APP: variants seen among roughly 807,000 people sequenced by gnomAD.
The protein encoded by APP is amyloid beta precursor protein.
In APP, 31 loss-of-function variants were observed where a neutral mutation model predicts 101.4. The ratio of observed to expected loss-of-function variants is 0.31; its 90% CI spans 0.23 to 0.41. The LOEUF (loss-of-function observed/expected upper bound fraction) is 0.41. APP is among the 10% of genes least tolerant of loss of function. The pLI, the probability that APP is intolerant of heterozygous loss-of-function variation, is 1.00. For synonymous variants in APP, 366 were observed against 364.4 expected (o/e 1.00, Z -0.05); for missense variants, 839 against 1,003.7 (o/e 0.84, Z 2.22).
At chr21:26,159,460 T>C (rs1161605697) in intron 1 of APP, among the ~76,000 whole-genome samples, 1 of 152,192 alleles carries the variant, frequency 6.6e-6, no homozygotes, top group African/African-American at 2.4e-5. Flanking sequence ...CTGAGAAAAC[T>C]TGCAGTAGAG....
intron 7 of APP, 43 bp from the exon 8 acceptor site, chr21:25,997,459 A>G: frequency 6.5e-7 from 1 of 1,528,380 alleles, no homozygotes; most frequent in Non-Finnish European, 9.1e-7. Context: ...CAAAAAGAGA[A>G]ACATGGGAAT....
chr21:26,011,019 G>GTC (rs530326793), intron 6 of APP, among the ~76,000 whole-genome samples: 10 of 151,716 alleles, frequency 6.6e-5, no homozygotes, highest in Non-Finnish European at 1.2e-4. Flanking sequence ...GCAAGACTCC[G>GTC]TCTTTGGGGG....
At chr21:26,143,138 CACTT>C (rs1236448410) in intron 1 of APP, among the ~76,000 whole-genome samples, 1 of 152,108 alleles carries the variant, frequency 6.6e-6, no homozygotes, top group African/African-American at 2.4e-5. Context: ...TCAAGTTAAA[CACTT>C]ACTATTAAAT....
intron 13 of APP, among the ~76,000 whole-genome samples, chr21:25,921,156 A>T (rs1411763070): frequency 1.5e-5 from 2 of 134,478 alleles, no homozygotes; most frequent in Non-Finnish European, 3.1e-5. Flanking sequence ...TGAAGGCAGA[A>T]ATAAAGATGT....
At chr21:26,125,352 C>T (rs1199933181) in intron 1 of APP, among the ~76,000 whole-genome samples, 1 of 151,864 alleles carries the variant, frequency 6.6e-6, no homozygotes, top group Non-Finnish European at 1.5e-5. Context: ...AAAGACAACT[C>T]TAAGTCAGGC....
chr21:26,142,846 G>T (rs192983601), intron 1 of APP, among the ~76,000 whole-genome samples: 4 of 152,016 alleles, frequency 2.6e-5, no homozygotes, highest in Admixed American at 6.5e-5. Context: ...AATAAAAATA[G>T]GTACTACCTG....
intron 17 of APP, among the ~76,000 whole-genome samples, chr21:25,887,303 T>A (rs991597080): frequency 5.3e-5 from 8 of 152,140 alleles, no homozygotes; most frequent in Non-Finnish European, 1.0e-4. Flanking sequence ...AGGTGGTTAA[T>A]TCAGCTAGTG....
intron 5 of APP, 106 bp downstream of exon 5, chr21:26,050,894 G>C (rs1315933146): frequency 7.3e-7 from 1 of 1,376,024 alleles, no homozygotes; most frequent in Non-Finnish European, 1.0e-6. Context: ...GATGGGAGTG[G>C]GCAGAGACCT....
At chr21:25,883,620 G>A (rs1216273486) in intron 17 of APP, among the ~76,000 whole-genome samples, 2 of 152,186 alleles carry the variant, frequency 1.3e-5, no homozygotes, top group African/African-American at 4.8e-5. Flanking sequence ...TTGAACCCAG[G>A]AGGCTGAGGC....
intron 3 of APP, among the ~76,000 whole-genome samples, chr21:26,079,181 TGGAA>T (rs1321193509): frequency 1.3e-5 from 2 of 151,988 alleles, no homozygotes; most frequent in African/African-American, 4.8e-5. Context: ...TAGGGACTGA[TGGAA>T]ACACAGTGCT....
intron 6 of APP, among the ~76,000 whole-genome samples, chr21:26,008,416 A>G (rs2043633653): frequency 6.6e-6 from 1 of 152,244 alleles, no homozygotes; most frequent in Non-Finnish European, 1.5e-5. Flanking sequence ...CAAGAAGCTC[A>G]AAACTCGGGA....
chr21:26,161,686 A>C (rs1370408026), intron 1 of APP, among the ~76,000 whole-genome samples: 3 of 152,140 alleles, frequency 2.0e-5, no homozygotes, highest in Non-Finnish European at 4.4e-5. Context: ...TTTCTATGGG[A>C]GTTTCTTAGG....
intron 5 of APP, among the ~76,000 whole-genome samples, chr21:26,024,944 T>C (rs749714746): frequency 1.1e-4 from 17 of 152,370 alleles, no homozygotes; most frequent in Non-Finnish European, 1.8e-4. Context: ...CTTACTCATA[T>C]GTTAATAAAT....
chr21:26,076,743 T>G (rs1269575153), intron 3 of APP, among the ~76,000 whole-genome samples: 1 of 152,224 alleles, frequency 6.6e-6, no homozygotes, highest in Non-Finnish European at 1.5e-5. Context: ...CCTTTAACAG[T>G]AACTTGACTT....
chr21:26,017,318 A>T (rs1661039789), intron 6 of APP, among the ~76,000 whole-genome samples: 1 of 151,322 alleles, frequency 6.6e-6, no homozygotes, highest in African/African-American at 2.4e-5. Flanking sequence ...GCTTTAAAGC[A>T]CAAGAGGCCT....
intron 6 of APP, among the ~76,000 whole-genome samples, chr21:26,008,273 T>A (rs1263114802): frequency 6.6e-6 from 1 of 152,232 alleles, no homozygotes; most frequent in East Asian, 1.9e-4. Flanking sequence ...TAATCAGGAC[T>A]CCCGTGACGG....
At chr21:25,883,961 C>G (rs1211937698) in intron 17 of APP, among the ~76,000 whole-genome samples, 2 of 152,104 alleles carry the variant, frequency 1.3e-5, no homozygotes, top group African/African-American at 4.8e-5. Flanking sequence ...TCACTGCAAC[C>G]TCTGCCTCCC....
intron 1 of APP, among the ~76,000 whole-genome samples, chr21:26,146,337 T>C (rs1215057221): frequency 4.6e-5 from 7 of 152,196 alleles, no homozygotes; most frequent in Admixed American, 4.6e-4. Flanking sequence ...CAATTGACAG[T>C]AGATGAAAAT....
At chr21:26,095,547 G>T (rs1005486193) in intron 2 of APP, among the ~76,000 whole-genome samples, 1 of 152,126 alleles carries the variant, frequency 6.6e-6, no homozygotes, top group African/African-American at 2.4e-5. Flanking sequence ...TGCCTAATTT[G>T]TAAATTCAAC....
Sources: allele counts gnomAD v4.1 joint callset (sites outside exome capture counted in the v4.1 genomes callset), GRCh38; gene constraint gnomAD v4.1.1; transcripts MANE v1.5; gene names NCBI Gene and HGNC (gene_info 2026-07-23, HGNC 2026-07-21).